The following PPP3CA variants were observed in gnomAD, a reference collection of about 807,000 sequenced individuals.
PPP3CA encodes protein phosphatase 3 catalytic subunit alpha, also known as CAM-PRP catalytic subunit.
In PPP3CA, 14 loss-of-function variants were observed where a neutral mutation model predicts 66.5. The observed-to-expected ratio is 0.21, with a 90% CI of 0.14 to 0.33. The LOEUF is 0.33. Ranked by LOEUF, PPP3CA falls within the 10% of genes least tolerant of loss-of-function variation. The pLI, the probability that PPP3CA is intolerant of heterozygous loss-of-function variation, is 1.00. For synonymous variants in PPP3CA, 232 were observed against 226.2 expected (o/e 1.03, Z -0.23); for missense variants, 317 against 639.5 (o/e 0.50, Z 5.44).
chr4:101,232,412 G>C (rs1293046317), intron 1 of PPP3CA, among the ~76,000 whole-genome samples: 8 of 151,558 alleles, frequency 5.3e-5, no homozygotes. Flanking sequence ...GGCAAAGTTG[G>C]AATTATTTTC....
intron 1 of PPP3CA, among the ~76,000 whole-genome samples, chr4:101,304,186 T>C (rs190651286): frequency 4.6e-5 from 7 of 152,288 alleles, no homozygotes; most frequent in Non-Finnish European, 7.4e-5. Flanking sequence ...ATTTCAGTAA[T>C]AGTCTCTTAT....
rs563341389 is a variant in PPP3CA, at chr4:101,166,880, T to A, written c.259+29036A>T. ...GCCAAAACATTATGATTTATTTACTTTGTTGATATTAACAAGAGCTAAATT... is the reference window on the plus strand; with the variant it reads ...GCCAAAACATTATGATTTATTTACTATGTTGATATTAACAAGAGCTAAATT... On this transcript the variant is annotated intron_variant, in intron 2 of 13. Transcript: ENST00000394854. Among the ~76,000 whole-genome samples the A allele has an allele frequency of 6.6e-5, 10 of 152,340 alleles. No homozygotes were observed. In the East Asian group the frequency reaches 1.9e-3, roughly 29 times the overall value.
intron 2 of PPP3CA, among the ~76,000 whole-genome samples, chr4:101,115,513 GATT>G (rs1301015268): frequency 6.6e-6 from 1 of 151,788 alleles, no homozygotes; most frequent in Non-Finnish European, 1.5e-5. Flanking sequence ...ATTATAATTT[GATT>G]ATTTTTTCAA....
intron 1 of PPP3CA, among the ~76,000 whole-genome samples, chr4:101,315,736 A>G (rs1263940605): frequency 6.6e-6 from 1 of 152,214 alleles, no homozygotes; most frequent in East Asian, 1.9e-4. Flanking sequence ...TAGTTTGGCA[A>G]TTCCACAAAG....
chr4:101,331,558 T>C (rs140643852), intron 1 of PPP3CA, among the ~76,000 whole-genome samples: 95 of 152,258 alleles, frequency 6.2e-4, no homozygotes, highest in Non-Finnish European at 9.7e-4. Flanking sequence ...AACAGACAAG[T>C]AGCAGCACAG....
chr4:101,158,251 A>C (rs973390044), intron 2 of PPP3CA: 2 of 152,224 alleles, frequency 1.3e-5, no homozygotes, highest in Non-Finnish European at 2.9e-5. Context: ...CTCCTGGTGC[A>C]TCACCAGCCT....
intron 1 of PPP3CA, among the ~76,000 whole-genome samples, chr4:101,315,827 T>C (rs1430342647): frequency 6.6e-6 from 1 of 152,202 alleles, no homozygotes; most frequent in African/African-American, 2.4e-5. Context: ...TGGTTTCTGG[T>C]TGGGCCAGTA....
chr4:101,171,987 G>A (rs1374502910), intron 2 of PPP3CA, among the ~76,000 whole-genome samples: 1 of 152,100 alleles, frequency 6.6e-6, no homozygotes, highest in African/African-American at 2.4e-5. Flanking sequence ...ATAGTCTGTA[G>A]ACTACAGCTG....
chr4:101,299,614 A>AT (rs1728311391), intron 1 of PPP3CA, among the ~76,000 whole-genome samples: 1 of 152,124 alleles, frequency 6.6e-6, no homozygotes, highest in South Asian at 2.1e-4. Context: ...ATATGTATTT[A>AT]TTTATAAGAA....
chr4:101,313,773 TTTTTTGGTAATAGAA>T (rs138015469), intron 1 of PPP3CA, among the ~76,000 whole-genome samples: 1,940 of 152,308 alleles, frequency 0.013, 49 homozygotes, highest in African/African-American at 0.044. Flanking sequence ...CTAACCTGGC[TTTTTTGGTAATAGAA>T]TTTTAAATGA....
intron 1 of PPP3CA, among the ~76,000 whole-genome samples, chr4:101,284,669 T>TC (rs1321492568): frequency 2.6e-5 from 4 of 152,036 alleles, no homozygotes; most frequent in Admixed American, 6.6e-5. Context: ...CTTTTTTTTT[T>TC]CCCCTTATTT....
chr4:101,305,867 C>T (rs1483059119), intron 1 of PPP3CA, among the ~76,000 whole-genome samples: 1 of 146,918 alleles, frequency 6.8e-6, no homozygotes, highest in Non-Finnish European at 1.5e-5. Context: ...TTTTTAAGGA[C>T]AAATAGGAAA....
intron 2 of PPP3CA, among the ~76,000 whole-genome samples, chr4:101,185,871 G>A (rs910269279): frequency 1.3e-5 from 2 of 152,124 alleles, no homozygotes; most frequent in Non-Finnish European, 2.9e-5. Context: ...AGCTCTGTAA[G>A]CCTTTCTATG....
intron 10 of PPP3CA, among the ~76,000 whole-genome samples, chr4:101,043,037 G>C (rs931045220): frequency 2.0e-5 from 3 of 152,018 alleles, no homozygotes; most frequent in Non-Finnish European, 4.4e-5. Flanking sequence ...AATATGGCCA[G>C]ATCATGAAAT....
At chr4:101,314,645 T>C (rs1728832050) in intron 1 of PPP3CA, among the ~76,000 whole-genome samples, 1 of 149,658 alleles carries the variant, frequency 6.7e-6, no homozygotes, top group African/African-American at 2.5e-5. Flanking sequence ...GTAAAAACTA[T>C]AAATAATGGC....
intron 1 of PPP3CA, among the ~76,000 whole-genome samples, chr4:101,333,107 T>C (rs935327543): frequency 2.6e-4 from 37 of 144,168 alleles, no homozygotes; most frequent in Middle Eastern, 3.5e-3. Flanking sequence ...TTCTTTCTTT[T>C]TTTTTTTTTT....
intron 1 of PPP3CA, among the ~76,000 whole-genome samples, chr4:101,224,791 G>A (rs1389935037): frequency 6.6e-6 from 1 of 151,766 alleles, no homozygotes; most frequent in East Asian, 1.9e-4. Context: ...GCATGGTTAG[G>A]GTTTCCAAAG....
intron 1 of PPP3CA, among the ~76,000 whole-genome samples, chr4:101,318,938 A>C (rs1452871054): frequency 2.0e-5 from 3 of 152,052 alleles, no homozygotes; most frequent in African/African-American, 7.2e-5. Flanking sequence ...ACTTCTTTCA[A>C]ACTCTCTATA....
intron 1 of PPP3CA, 101 bp from the exon 2 acceptor site, chr4:101,196,217 A>G (rs1724787281): frequency 4.7e-6 from 5 of 1,074,606 alleles, no homozygotes; most frequent in Non-Finnish European, 6.6e-6. Context: ...ACCAACTAAT[A>G]TAATATTTTT....
Sources: allele counts gnomAD v4.1 joint callset (sites outside exome capture counted in the v4.1 genomes callset), GRCh38; gene constraint gnomAD v4.1.1; transcripts MANE v1.5; gene names NCBI Gene and HGNC (gene_info 2026-07-23, HGNC 2026-07-21).